SH3BGRL2: variants seen among roughly 807,000 people sequenced by gnomAD.
SH3BGRL2 encodes the protein SH3 domain binding glutamate rich protein like 2.
In SH3BGRL2, 21 loss-of-function variants were observed where a neutral mutation model predicts 14.8. The ratio of observed to expected loss-of-function variants is 1.42; its 90% CI spans 1.01 to 2.05. The LOEUF (loss-of-function observed/expected upper bound fraction) is 2.05. Among genes scored for constraint, SH3BGRL2 ranks in the 30% most tolerant of loss-of-function variants. SH3BGRL2 has a pLI of 0.00. For missense variants in SH3BGRL2, 147 were observed against 130.8 expected (o/e 1.12, Z -0.61); for synonymous variants, 50 against 47.8 (o/e 1.05, Z -0.19).
chr6:79,666,226 C>T (rs538703098), intron 1 of SH3BGRL2, among the ~76,000 whole-genome samples: 1 of 152,252 alleles, frequency 6.6e-6, no homozygotes, highest in African/African-American at 2.4e-5. Flanking sequence ...TGCCTGTCAC[C>T]TCAACGTGGA....
At chr6:79,607,882 G>A in the SH3BGRL2 span, among the ~76,000 whole-genome samples, 1 of 152,008 alleles carries the variant, frequency 6.6e-6, no homozygotes, top group African/African-American at 2.4e-5. Flanking sequence ...AGAGACAGAG[G>A]TTACAGTGAG....
At chr6:79,545,374 T>C in the SH3BGRL2 span, among the ~76,000 whole-genome samples, 1 of 152,218 alleles carries the variant, frequency 6.6e-6, no homozygotes, top group Non-Finnish European at 1.5e-5. Flanking sequence ...AAATGATGCA[T>C]GCTTTATTAC....
chr6:79,569,434 C>G, the SH3BGRL2 span, among the ~76,000 whole-genome samples: 1 of 152,176 alleles, frequency 6.6e-6, no homozygotes, highest in Non-Finnish European at 1.5e-5. Flanking sequence ...GAAAGAGATT[C>G]TCCCAAGAGA....
chr6:79,591,363 ATTC>A, the SH3BGRL2 span, among the ~76,000 whole-genome samples: 1 of 151,972 alleles, frequency 6.6e-6, no homozygotes. Flanking sequence ...ATACTTTCCT[ATTC>A]TTCTACCTTC....
chr6:79,576,267 C>T, the SH3BGRL2 span, among the ~76,000 whole-genome samples: 1 of 152,216 alleles, frequency 6.6e-6, no homozygotes, highest in African/African-American at 2.4e-5. Flanking sequence ...AACACAAATA[C>T]TTCTTGAATC....
At chr6:79,643,330 C>A (rs1406096069) in intron 1 of SH3BGRL2, among the ~76,000 whole-genome samples, 1 of 152,050 alleles carries the variant, frequency 6.6e-6, no homozygotes, top group African/African-American at 2.4e-5. Context: ...CTGGTGAGAA[C>A]CTGGGTTGTG....
chr6:79,690,964 A>C (rs1461640441), intron 2 of SH3BGRL2, among the ~76,000 whole-genome samples: 1 of 152,176 alleles, frequency 6.6e-6, no homozygotes, highest in Non-Finnish European at 1.5e-5. Context: ...TCTCATGAAC[A>C]TAGATGAATT....
chr6:79,615,009 C>T, the SH3BGRL2 span, among the ~76,000 whole-genome samples: 6 of 151,844 alleles, frequency 4.0e-5, no homozygotes, highest in Non-Finnish European at 8.8e-5. Context: ...TTCTGAGTTC[C>T]CTCTCAGGGC....
At chr6:79,685,187 G>A (rs777345266) in intron 2 of SH3BGRL2, among the ~76,000 whole-genome samples, 26 of 152,184 alleles carry the variant, frequency 1.7e-4, no homozygotes, top group Admixed American at 9.2e-4. Context: ...GACTTGTGCT[G>A]TGAATACTGA....
At chr6:79,618,239 G>A in the SH3BGRL2 span, among the ~76,000 whole-genome samples, 3 of 152,266 alleles carry the variant, frequency 2.0e-5, no homozygotes, top group South Asian at 6.2e-4. Flanking sequence ...TGGCAAATTA[G>A]TTCTTTTGTC....
intron 2 of SH3BGRL2, among the ~76,000 whole-genome samples, chr6:79,695,892 A>G (rs1050975134): frequency 1.4e-4 from 21 of 152,374 alleles, no homozygotes; most frequent in African/African-American, 5.0e-4. Context: ...GAAGGTAGGA[A>G]GAGAAAAATG....
chr6:79,572,673 G>T, the SH3BGRL2 span, among the ~76,000 whole-genome samples: 1 of 152,030 alleles, frequency 6.6e-6, no homozygotes, highest in Non-Finnish European at 1.5e-5. Context: ...CACTGTGTTA[G>T]CCAGGATGGT....
chr6:79,641,100 C>T (rs1402174046), intron 1 of SH3BGRL2, among the ~76,000 whole-genome samples: 1 of 151,228 alleles, frequency 6.6e-6, no homozygotes, highest in Non-Finnish European at 1.5e-5. Flanking sequence ...TGGTCTTCTT[C>T]ATTCATGACA....
At chr6:79,545,063 GTCAAT>G in the SH3BGRL2 span, among the ~76,000 whole-genome samples, 1 of 152,172 alleles carries the variant, frequency 6.6e-6, no homozygotes, top group Non-Finnish European at 1.5e-5. Flanking sequence ...GTATTGAAAG[GTCAAT>G]GTAAACAAAT....
chr6:79,546,637 T>C, the SH3BGRL2 span, among the ~76,000 whole-genome samples: 1 of 151,790 alleles, frequency 6.6e-6, no homozygotes, highest in African/African-American at 2.4e-5. Flanking sequence ...TAGAAATTCA[T>C]AGGGTGCTTT....
the SH3BGRL2 span, among the ~76,000 whole-genome samples, chr6:79,578,553 G>A: frequency 6.8e-6 from 1 of 146,176 alleles, no homozygotes; most frequent in African/African-American, 2.5e-5. Flanking sequence ...CTGCAGCTGA[G>A]GGACCTGACT....
At chr6:79,549,312 G>A in the SH3BGRL2 span, among the ~76,000 whole-genome samples, 3 of 152,082 alleles carry the variant, frequency 2.0e-5, no homozygotes, top group Non-Finnish European at 4.4e-5. Context: ...TTCAAAAGAG[G>A]CCCAGAGAAA....
At position 79,666,981 on chromosome 6, in the gene SH3BGRL2, A is replaced by G. The variant is rs548309437; in HGVS notation, c.46-6633A>G. ...CTAGTATGTTTGAGTGAATGAAACA[A>G]TTGAGCAGGTGCCCATTACTGCTTA... On this transcript the variant is annotated intron_variant, in intron 1 of 3. Coordinates refer to ENST00000369838, the MANE Select transcript of SH3BGRL2 (RefSeq NM_031469.4). Among the ~76,000 whole-genome samples, 7 of 152,376 alleles carry G rather than the reference A, an allele frequency of 4.6e-5. 1 individual carries two copies. In the South Asian group the frequency reaches 1.0e-3, roughly 23 times the overall value.
At chr6:79,695,756 A>G (rs577289137) in intron 2 of SH3BGRL2, among the ~76,000 whole-genome samples, 2 of 152,350 alleles carry the variant, frequency 1.3e-5, no homozygotes, top group South Asian at 2.1e-4. Context: ...ATTTGCTTAC[A>G]TTATTTATCC....
Sources: allele counts gnomAD v4.1 joint callset (sites outside exome capture counted in the v4.1 genomes callset), GRCh38; gene constraint gnomAD v4.1.1; transcripts MANE v1.5; gene names NCBI Gene and HGNC (gene_info 2026-07-23, HGNC 2026-07-21).